Variants in KLHL1 observed in about 807,000 individuals in gnomAD.
KLHL1 encodes kelch like family member 1, also known as kelch-like protein 1.
A neutral mutation model predicts 77.7 loss-of-function variants in KLHL1; 47 were observed. The observed-to-expected ratio is 0.60, with a 90% CI of 0.48 to 0.77. KLHL1 has a LOEUF of 0.77. Among genes scored for constraint, KLHL1 ranks in the 30% least tolerant of loss-of-function variants. The probability of loss-of-function intolerance (pLI) is 0.00; values close to 1 mark genes in which losing one functional copy is unlikely to be tolerated. For synonymous variants in KLHL1, 360 were observed against 325.2 expected (o/e 1.11, Z -1.15); for missense variants, 925 against 910.8 (o/e 1.02, Z -0.20).
rs1167357283 is a variant in KLHL1 at position 70,039,139 on chromosome 13, C to G, written c.498-63337G>C. Among the ~76,000 whole-genome samples the G allele has an allele frequency of 2.7e-5, 4 of 148,776 alleles. No individual in the cohort carries two copies. The East Asian group carries it at 8.0e-4, about 30-fold the overall frequency. On this transcript the variant is annotated intron_variant, in intron 1 of 10. Transcript: ENST00000377844. Reference sequence around the variant, plus strand: ...TACAGTTGCAGTGGAGCAATAATAGCTCACTGTAAACTTGAATTCCTAGGC... The same window carrying G: ...TACAGTTGCAGTGGAGCAATAATAGGTCACTGTAAACTTGAATTCCTAGGC...
In KLHL1 at chr13:69,796,982, A is replaced by G. The variant is rs1421953693; in HGVS notation, c.1415-20T>C. On this transcript the variant is annotated intron_variant, in intron 6 of 10. Transcript: ENST00000377844. Reference sequence around the variant, plus strand: ...TAGCTCCTGATAAAACATAAAATCAAAAAGTCACCAATTGCTATAAATTCA... The same window carrying G: ...TAGCTCCTGATAAAACATAAAATCAGAAAGTCACCAATTGCTATAAATTCA... 1 of 1,594,296 alleles carries G rather than the reference A, an allele frequency of 6.3e-7. No individual in the cohort carries two copies. Among genetic ancestry groups the G allele is most frequent in the African/African-American group, 1.3e-5 (1 of 74,456 alleles).
intron 6 of KLHL1, among the ~76,000 whole-genome samples, chr13:69,820,355 A>G (rs1175562494): frequency 6.6e-6 from 1 of 152,184 alleles, no homozygotes; most frequent in Non-Finnish European, 1.5e-5. Flanking sequence ...TCTTCAGTCC[A>G]CAAGTCATTA....
intron 1 of KLHL1, among the ~76,000 whole-genome samples, chr13:70,044,181 C>T (rs4884875): frequency 0.32 from 48,518 of 151,942 alleles, 8,488 homozygotes; most frequent in East Asian, 0.67. Flanking sequence ...TTCATACTGG[C>T]CTTTTGGAGT....
intron 4 of KLHL1, among the ~76,000 whole-genome samples, chr13:69,919,490 T>C (rs1014329910): frequency 1.3e-5 from 2 of 152,114 alleles, no homozygotes; most frequent in Non-Finnish European, 2.9e-5. Flanking sequence ...AGCTCAGAAA[T>C]GGTTGAGTGG....
intron 4 of KLHL1, among the ~76,000 whole-genome samples, chr13:69,928,907 T>C (rs1166467214): frequency 6.6e-6 from 1 of 152,140 alleles, no homozygotes. Flanking sequence ...TTGTATGGTA[T>C]ATAAGTCATA....
chr13:69,943,769 T>C (rs1883435605), intron 3 of KLHL1, among the ~76,000 whole-genome samples: 1 of 152,164 alleles, frequency 6.6e-6, no homozygotes, highest in Non-Finnish European at 1.5e-5. Flanking sequence ...TATATACCCT[T>C]CAACATATTG....
chr13:69,869,531 A>G (rs1004043785), intron 5 of KLHL1, among the ~76,000 whole-genome samples: 1 of 152,142 alleles, frequency 6.6e-6, no homozygotes, highest in African/African-American at 2.4e-5. Context: ...TTTGAATATT[A>G]TTAAAGTAAA....
chr13:69,894,686 G>A (rs980405262), intron 4 of KLHL1: 9 of 162,782 alleles, frequency 5.5e-5, no homozygotes, highest in Non-Finnish European at 1.1e-4. Context: ...TAATTTGGTC[G>A]ACAAGGTTTT....
intron 1 of KLHL1, among the ~76,000 whole-genome samples, chr13:70,035,368 G>A (rs960156786): frequency 6.6e-6 from 1 of 152,016 alleles, no homozygotes; most frequent in African/African-American, 2.4e-5. Context: ...ATTGTTTGTG[G>A]GAGCTAAAAA....
intron 1 of KLHL1, among the ~76,000 whole-genome samples, chr13:69,997,496 C>T (rs1378957692): frequency 1.3e-5 from 2 of 151,124 alleles, no homozygotes; most frequent in East Asian, 1.9e-4. Flanking sequence ...GAAACCACCG[C>T]TTTCCTCTGT....
intron 8 of KLHL1, among the ~76,000 whole-genome samples, chr13:69,721,073 ATATATAAAG>A (rs1873031884): frequency 1.8e-4 from 12 of 65,006 alleles, no homozygotes; most frequent in African/African-American, 4.9e-4. Flanking sequence ...ATATATATAT[ATATATAAAG>A]CTATGTACCT....
intron 4 of KLHL1, among the ~76,000 whole-genome samples, chr13:69,911,475 T>C (rs938378924): frequency 2.6e-5 from 4 of 151,802 alleles, no homozygotes; most frequent in African/African-American, 9.7e-5. Flanking sequence ...TTAGGGGTTA[T>C]GTTAATGGAT....
At chr13:69,920,366 T>C (rs1186909247) in intron 4 of KLHL1, among the ~76,000 whole-genome samples, 1 of 152,162 alleles carries the variant, frequency 6.6e-6, no homozygotes, top group Non-Finnish European at 1.5e-5. Flanking sequence ...AATCCATTTG[T>C]GGTTCACAGT....
At chr13:69,703,375 A>G (rs1012715717) in intron 10 of KLHL1, among the ~76,000 whole-genome samples, 6 of 151,574 alleles carry the variant, frequency 4.0e-5, no homozygotes, top group Non-Finnish European at 8.9e-5. Context: ...CAGCTGGACA[A>G]TGTGTTTGTG....
intron 1 of KLHL1, among the ~76,000 whole-genome samples, chr13:70,045,087 C>T (rs927815584): frequency 6.6e-6 from 1 of 152,126 alleles, no homozygotes; most frequent in Non-Finnish European, 1.5e-5. Flanking sequence ...GTACTAATTG[C>T]TATTTGAACT....
chr13:69,935,366 A>G (rs900248240), intron 4 of KLHL1, among the ~76,000 whole-genome samples: 2 of 144,410 alleles, frequency 1.4e-5, no homozygotes, highest in African/African-American at 5.3e-5. Flanking sequence ...CTTATGTTAC[A>G]AAAGTTGTTT....
chr13:70,014,204 A>G (rs1483102848), intron 1 of KLHL1, among the ~76,000 whole-genome samples: 2 of 152,094 alleles, frequency 1.3e-5, no homozygotes, highest in Non-Finnish European at 1.5e-5. Flanking sequence ...GAACTAAGAC[A>G]AGAAAAATGA....
chr13:69,999,464 C>T lies in KLHL1; in HGVS notation c.498-23662G>A, dbSNP rs1885233866. ...CATTTTTTGCTTAAAATTATAAAAA[C>T]TTTGAGCTTGAAAGGTTTGACAGAC... On this transcript the variant is annotated intron_variant, in intron 1 of 10. Coordinates refer to ENST00000377844, the MANE Select transcript of KLHL1 (RefSeq NM_020866.3). Among the ~76,000 whole-genome samples the T allele has an allele frequency of 2.6e-5, 4 of 152,004 alleles. No individual in the cohort carries two copies. The South Asian group carries it at 8.3e-4, about 31-fold the overall frequency.
At chr13:69,840,733 T>TGTAG in intron 5 of KLHL1, among the ~76,000 whole-genome samples, 1 of 149,936 alleles carries the variant, frequency 6.7e-6, no homozygotes, top group African/African-American at 2.4e-5. Flanking sequence ...TATGTATGTA[T>TGTAG]GTATAGAAGA....
Sources: gnomAD v4.1 joint callset for allele counts (sites outside exome capture counted in the v4.1 genomes callset) on GRCh38, gnomAD v4.1.1 for gene constraint, MANE v1.5 for transcripts, NCBI Gene and HGNC (gene_info 2026-07-23, HGNC 2026-07-21) for gene names.